Variants in RGPD4 observed in about 807,000 individuals in gnomAD.
RGPD4 encodes the protein RANBP2 like and GRIP domain containing 4.
Under a neutral mutation model 141.1 loss-of-function variants are expected in RGPD4, and 84 were observed. That is an observed-to-expected ratio of 0.60 (90% confidence interval 0.50 to 0.71). RGPD4 has a LOEUF of 0.71. RGPD4 is among the 30% of genes least tolerant of loss of function. RGPD4 has a pLI of 0.00. For synonymous variants in RGPD4, 298 were observed against 566.8 expected, an observed-to-expected ratio of 0.53 and a Z score of 6.74; for missense variants, 918 against 1,622.4, an observed-to-expected ratio of 0.57 and a Z score of 7.46.
chr2:107,835,578 G>C (rs563959564), intron 1 of RGPD4, among the ~76,000 whole-genome samples: 3 of 151,948 alleles, frequency 2.0e-5, no homozygotes, highest in South Asian at 4.2e-4. Context: ...TAAGTACTTA[G>C]TTATTCTTTC....
At chr2:107,873,769 T>C (rs537500533) in intron 20 of RGPD4, among the ~76,000 whole-genome samples, 8 of 151,754 alleles carry the variant, frequency 5.3e-5, no homozygotes, top group Admixed American at 1.3e-4. Context: ...TTTTGTTTCC[T>C]AAAATGTTAA....
At chr2:107,880,815 CT>C (rs1247187084) in intron 21 of RGPD4, among the ~76,000 whole-genome samples, 3 of 147,934 alleles carry the variant, frequency 2.0e-5, no homozygotes, top group Non-Finnish European at 4.5e-5. Context: ...GAAGTTTTTC[CT>C]GTTTAAAGTA....
chr2:107,874,756 G>C (rs534980554), intron 20 of RGPD4, among the ~76,000 whole-genome samples: 1 of 150,922 alleles, frequency 6.6e-6, no homozygotes, highest in South Asian at 2.1e-4. Context: ...TAGAAATGAA[G>C]ACTTTAGACA....
rs1388804107 is a variant in RGPD4, at chr2:107,859,410, A to G, written c.1490A>G (p.His497Arg). Reference sequence around the variant, plus strand: ...CTCCTTGGAGTAGTATATACCAGCCACTTACAATTAAAGGAGAAATGTAAT... The same window carrying G: ...CTCCTTGGAGTAGTATATACCAGCCGCTTACAATTAAAGGAGAAATGTAAT... ...VFLLGVVYTS[H>R]LQLKEKCNSH... Residue 497 changes from histidine (H) to arginine (R), a missense_variant, in exon 11 of 23, where the codon CAC (histidine) becomes CGC (arginine). Coordinates refer to ENST00000408999, the MANE Select transcript of RGPD4 (RefSeq NM_182588.3). The G allele has an allele frequency of 3.1e-6, 5 of 1,610,666 alleles. No homozygotes were observed. The highest frequency in any genetic ancestry group is 4.2e-6 in the Non-Finnish European group (5 of 1,179,810).
In RGPD4 at chr2:107,826,956, G is replaced by C. The variant is rs1054887625; in HGVS notation, c.-58G>C. On this transcript the variant is annotated 5_prime_UTR_variant, in exon 1 of 23. Transcript: ENST00000408999. Reference sequence around the variant, plus strand: ...CAGGCGCTTTCCTGTTGGAATTGGCGACTGCTGCGGGGCTGAGCGCTGGTT... The same window carrying C: ...CAGGCGCTTTCCTGTTGGAATTGGCCACTGCTGCGGGGCTGAGCGCTGGTT... 9.6e-6 allele frequency: 15 copies of C among 1,559,844 alleles called. No homozygotes were observed. Among genetic ancestry groups the C allele is most frequent in the East Asian group, 7.2e-5 (3 of 41,702 alleles).
chr2:107,838,699 T>C lies in RGPD4; in HGVS notation c.253-113T>C. On this transcript the variant is annotated intron_variant, in intron 3 of 22. Transcript: ENST00000408999. Reference sequence around the variant, plus strand: ...TGTTTTCTCTAGAAGTAGAATTTTTTAAGAGTTGGAGTGATAATTTTTAAC... The same window carrying C: ...TGTTTTCTCTAGAAGTAGAATTTTTCAAGAGTTGGAGTGATAATTTTTAAC... 3.3e-6 allele frequency: 2 copies of C among 597,276 alleles called. 1 individual carries two copies. The allele number at this position is 597,276 out of a possible 1,614,324, so 37.0% of individuals were successfully genotyped here. A position where few individuals can be genotyped will look rare whatever the true frequency, so the allele number is the denominator to read the frequency against.
At position 107,872,533 on chromosome 2, in the gene RGPD4, G is replaced by C; in HGVS notation, c.4529G>C (p.Gly1510Ala). The C allele has an allele frequency of 1.3e-6, 2 of 1,564,064 alleles. No individual in the cohort carries two copies. The highest frequency in any genetic ancestry group is 1.7e-6 in the Non-Finnish European group (2 of 1,151,658). The change falls in exon 20 of 23, where the codon GGT becomes GCT. Residue 1510 changes from glycine to alanine, a missense_variant. Gly to Ala is a moderately conservative substitution (Grantham distance 60, BLOSUM62 0). Transcript: ENST00000408999. Reference protein sequence around the residue: ...TTRERTDVIQGDDVADAASEV... With the variant: ...TTRERTDVIQADDVADAASEV... ...AGAGAGAGGACAGATGTTATTCAGGGTGATGATGTAGCAGATGCAGCTTCA... is the reference window on the plus strand; with the variant it reads ...AGAGAGAGGACAGATGTTATTCAGGCTGATGATGTAGCAGATGCAGCTTCA...
At chr2:107,844,465 A>G (rs1330819626) in intron 6 of RGPD4, among the ~76,000 whole-genome samples, 5 of 152,230 alleles carry the variant, frequency 3.3e-5, no homozygotes, top group African/African-American at 1.2e-4. Flanking sequence ...TATGCCTGTA[A>G]AGCCAGATTA....
chr2:107,872,184 C>T lies in RGPD4; in HGVS notation c.4180C>T (p.Arg1394Cys), dbSNP rs527699077. Reference sequence around the variant, plus strand: ...ACAGAATTATGATAATAAGCAAGTTCGTATAGTGATGAGAAGGGACCAAGT... The same window carrying T: ...ACAGAATTATGATAATAAGCAAGTTTGTATAGTGATGAGAAGGGACCAAGT... ...ILQNYDNKQV[R>C]IVMRRDQVLK... is the part of the protein sequence containing the mutation. Residue 1394 changes from arginine to cysteine, a missense_variant, in exon 20 of 23, where the codon CGT becomes TGT. Arg to Cys is a radical substitution (Grantham distance 180, BLOSUM62 -3). Transcript: ENST00000408999. The T allele has an allele frequency of 2.5e-5, 40 of 1,611,296 alleles. No homozygotes were observed. The highest frequency in any genetic ancestry group is 1.2e-4 in the Admixed American group (7 of 59,948).
chr2:107,827,602 G>T (rs866164380), intron 1 of RGPD4, among the ~76,000 whole-genome samples: 5 of 53,716 alleles, frequency 9.3e-5, no homozygotes, highest in Admixed American at 5.7e-4. Flanking sequence ...GACCTGGCCC[G>T]GCGGCGGCCT....
chr2:107,833,036 A>G (rs1343680518), intron 1 of RGPD4, among the ~76,000 whole-genome samples: 1 of 150,138 alleles, frequency 6.7e-6, no homozygotes, highest in Non-Finnish European at 1.5e-5. Context: ...GGGGAAGAAG[A>G]TTGGGGAACT....
intron 1 of RGPD4, among the ~76,000 whole-genome samples, chr2:107,829,185 C>T (rs866499391): frequency 0.042 from 737 of 17,440 alleles, 80 homozygotes; most frequent in African/African-American, 0.11. Context: ...CGGCCTCGAC[C>T]CGGCCCGGCG....
chr2:107,857,247 A>G (rs1282437511), intron 9 of RGPD4, among the ~76,000 whole-genome samples: 3 of 151,198 alleles, frequency 2.0e-5, no homozygotes. Context: ...AAGTGATTCT[A>G]CTGCCTCAGT....
Position 107,830,984 on chromosome 2 carries a change from C to A in RGPD4, c.72+3899C>A, listed in dbSNP as rs538152032. Among the ~76,000 whole-genome samples the A allele has an allele frequency of 7.9e-5, 12 of 152,112 alleles. No homozygotes were observed. In the East Asian group the frequency reaches 2.3e-3, roughly 29 times the overall value. Reference sequence around the variant, plus strand: ...GCACTTTGGGAGGCCGAGAGACCAGCCTGACCAATATGGTGAAAATCCATC... The same window carrying A: ...GCACTTTGGGAGGCCGAGAGACCAGACTGACCAATATGGTGAAAATCCATC... On this transcript the variant is annotated intron_variant, in intron 1 of 22. Coordinates refer to ENST00000408999, the MANE Select transcript of RGPD4 (RefSeq NM_182588.3).
At chr2:107,877,960 C>T (rs1377048504) in intron 20 of RGPD4, among the ~76,000 whole-genome samples, 8 of 151,518 alleles carry the variant, frequency 5.3e-5, no homozygotes, top group Admixed American at 1.3e-4. Context: ...TTACAGGCAC[C>T]TGCCACCGTG....
chr2:107,829,339 C>G (rs1325333300), intron 1 of RGPD4, among the ~76,000 whole-genome samples: 1 of 34,600 alleles, frequency 2.9e-5, no homozygotes, highest in East Asian at 4.4e-4. Context: ...CTCCCTGGCG[C>G]GCTCTGTTGA....
In RGPD4 at chr2:107,859,564, A is replaced by G. The variant is rs1218724179; in HGVS notation, c.1634+10A>G. 6 of 1,611,504 alleles carry G rather than the reference A, an allele frequency of 3.7e-6. No individual in the cohort carries two copies. Among genetic ancestry groups the G allele is most frequent in the Non-Finnish European group, 5.1e-6 (6 of 1,179,866 alleles). The stretch of plus-strand genomic sequence containing the variant: ...TTCACAGAAAAGCAGTGTAAGTAGT[A>G]AAACAAAAATATTGCTTTCACTTAG... On this transcript the variant is annotated intron_variant, in intron 11 of 22. Transcript: ENST00000408999.
chr2:107,827,813 G>A lies in RGPD4; in HGVS notation c.72+728G>A, dbSNP rs1435008784. Among the ~76,000 whole-genome samples, 9 of 28,456 alleles carry A rather than the reference G, an allele frequency of 3.2e-4. 1 individual carries two copies. Among genetic ancestry groups the A allele is most frequent in the Non-Finnish European group, 6.8e-5 (1 of 14,764 alleles). 18.7% of individuals were successfully genotyped at this position (28,456 alleles called of 152,430 possible). On this transcript the variant is annotated intron_variant, in intron 1 of 22. Coordinates refer to ENST00000408999, the MANE Select transcript of RGPD4 (RefSeq NM_182588.3). The stretch of plus-strand genomic sequence containing the variant: ...GGCGGCCTCGACCCGGCCCGGCGGC[G>A]GCCTCGATGGCTCAGGCGTCATGCC...
At chr2:107,827,428 G>C (rs1200139920) in intron 1 of RGPD4, among the ~76,000 whole-genome samples, 1 of 54,478 alleles carries the variant, frequency 1.8e-5, no homozygotes, top group African/African-American at 9.6e-5. Context: ...GCCCGGCCGC[G>C]GCCGCGATGG....
Sources: gnomAD v4.1 joint callset for allele counts (sites outside exome capture counted in the v4.1 genomes callset) on GRCh38, gnomAD v4.1.1 for gene constraint, MANE v1.5 for transcripts, NCBI Gene and HGNC (gene_info 2026-07-23, HGNC 2026-07-21) for gene names.